The following DDR2 variants were observed in gnomAD, a reference collection of about 807,000 sequenced individuals.
The protein encoded by DDR2 is discoidin domain receptor tyrosine kinase 2.
A neutral mutation model predicts 94.9 loss-of-function variants in DDR2; 27 were observed. That is an observed-to-expected ratio of 0.28 (90% CI 0.21 to 0.39). The LOEUF is 0.39. Among genes scored for constraint, DDR2 ranks in the 10% least tolerant of loss-of-function variants. The pLI is 1.00. For synonymous variants in DDR2, 382 were observed against 377.2 expected (o/e 1.01, Z -0.15); for missense variants, 783 against 1,076.0 (o/e 0.73, Z 3.81).
Position 162,755,673 on chromosome 1 carries a change from T to A in DDR2, c.575T>A (p.Val192Glu), listed in dbSNP as rs1558067651. 6.2e-7 allele frequency: 1 copy of A among 1,614,134 alleles called. No individual in the cohort carries two copies. Among genetic ancestry groups the A allele is most frequent in the African/African-American group, 1.3e-5 (1 of 75,054 alleles). Reference sequence around the variant, plus strand: ...TGTGTTTCCTTTGCAGATGGCTTGGTGTCTTACAATGCTCCAGCTGGGCAG... The same window carrying A: ...TGTGTTTCCTTTGCAGATGGCTTGGAGTCTTACAATGCTCCAGCTGGGCAG... ...LYGCVWLDGL[V>E]SYNAPAGQQF... Residue 192 changes from valine to glutamate, a missense_variant, in exon 7 of 18, where the codon GTG becomes GAG. By Grantham distance (121) the Val-to-Glu change is moderately radical (BLOSUM62 -2). Coordinates refer to ENST00000367921, the MANE Select transcript of DDR2 (RefSeq NM_006182.4).
intron 2 of DDR2, among the ~76,000 whole-genome samples, chr1:162,658,917 G>T (rs1048319275): frequency 2.0e-5 from 3 of 152,028 alleles, no homozygotes; most frequent in Non-Finnish European, 4.4e-5. Context: ...AGGTAAACAG[G>T]GCTCCAGAAA....
chr1:162,646,647 A>G (rs1273567693), intron 1 of DDR2, among the ~76,000 whole-genome samples: 1 of 152,176 alleles, frequency 6.6e-6, no homozygotes, highest in Non-Finnish European at 1.5e-5. Context: ...AACCTGTTTA[A>G]CTGCAACTAG....
Position 162,755,556 on chromosome 1 carries a change from G to C in DDR2, c.566-108G>C, listed in dbSNP as rs1663420519. On this transcript the variant is annotated intron_variant, in intron 6 of 17. Coordinates refer to ENST00000367921, the MANE Select transcript of DDR2 (RefSeq NM_006182.4). ...AAAGTCTTCCCTCGGTGTCCAGATGGAGTCCTGCTGGACACGCTGTGCAAG... is the reference window on the plus strand; with the variant it reads ...AAAGTCTTCCCTCGGTGTCCAGATGCAGTCCTGCTGGACACGCTGTGCAAG... The C allele has an allele frequency of 2.0e-5, 23 of 1,156,236 alleles. No individual in the cohort carries two copies. In the South Asian group the frequency reaches 2.3e-4, roughly 12 times the overall value. 71.6% of individuals were successfully genotyped at this position (1,156,236 alleles called of 1,614,324 possible).
chr1:162,637,127 A>T (rs745437268), intron 1 of DDR2, among the ~76,000 whole-genome samples: 22 of 152,172 alleles, frequency 1.4e-4, no homozygotes, highest in Non-Finnish European at 3.1e-4. Context: ...TCTCTGCTGG[A>T]CACTGTTCTA....
In DDR2 at chr1:162,776,154, T is replaced by G. The variant is rs757179876; in HGVS notation, c.2067T>G (p.Phe689Leu). 6.2e-7 allele frequency: 1 copy of G among 1,613,930 alleles called. No homozygotes were observed. ...TCCTCAGTTACACCAATCTGAAGTT[T>G]ATGGCTACCCAAATTGCCTCTGGCA... is the stretch of plus-strand genomic sequence containing the variant. Reference protein sequence around the residue: ...VRTVSYTNLKFMATQIASGMK... With the variant: ...VRTVSYTNLKLMATQIASGMK... Residue 689 changes from phenylalanine to leucine, a missense_variant, in exon 16 of 18, where the codon TTT becomes TTG. Coordinates refer to ENST00000367921, the MANE Select transcript of DDR2 (RefSeq NM_006182.4).
chr1:162,775,886 A>C, intron 15 of DDR2, 43 bp downstream of exon 15: 1 of 1,610,544 alleles, frequency 6.2e-7, no homozygotes, highest in Non-Finnish European at 8.5e-7. Context: ...TGGTCATGAG[A>C]GTAACCTGGG....
chr1:162,735,531 A>T (rs1662257267), intron 3 of DDR2, among the ~76,000 whole-genome samples: 1 of 152,214 alleles, frequency 6.6e-6, no homozygotes, highest in South Asian at 2.1e-4. Context: ...GGTGATGCTG[A>T]TGCTGCTGGT....
Position 162,767,292 on chromosome 1 carries a change from T to C in DDR2, c.1226T>C (p.Ile409Thr). The change falls in exon 11 of 18, where the codon ATC becomes ACC. Residue 409 changes from isoleucine (I) to threonine (T), a missense_variant. This residue lies in a region of DDR2 where 519 missense variants were observed against 647.9 expected (regional missense o/e 0.80). Transcript: ENST00000367921. ...RILIGCLVAI[I>T]FILLAIIVII... Reference sequence around the variant, plus strand: ...CTGATTGGCTGCTTGGTGGCCATCATCTTTATCCTCCTGGCCATCATTGTC... The same window carrying C: ...CTGATTGGCTGCTTGGTGGCCATCACCTTTATCCTCCTGGCCATCATTGTC... 6.2e-7 allele frequency: 1 copy of C among 1,614,128 alleles called. No individual in the cohort carries two copies. Among genetic ancestry groups the C allele is most frequent in the Non-Finnish European group, 8.5e-7 (1 of 1,180,002 alleles).
intron 2 of DDR2, among the ~76,000 whole-genome samples, chr1:162,667,635 A>C (rs1321701811): frequency 6.6e-6 from 1 of 152,222 alleles, no homozygotes; most frequent in Non-Finnish European, 1.5e-5. Context: ...AGGGACCAGC[A>C]TAAGAAGAGC....
chr1:162,717,815 G>C (rs1661239408), intron 2 of DDR2, among the ~76,000 whole-genome samples: 1 of 152,154 alleles, frequency 6.6e-6, no homozygotes. Context: ...CAATGTTGAT[G>C]TTAACCTTGA....
intron 3 of DDR2, among the ~76,000 whole-genome samples, chr1:162,746,163 G>T (rs113811299): frequency 0.093 from 14,170 of 152,224 alleles, 962 homozygotes; most frequent in Non-Finnish European, 0.13. Context: ...GCTGAAGCAG[G>T]GTGGGGCATC....
At chr1:162,739,813 T>A (rs1444771231) in intron 3 of DDR2, among the ~76,000 whole-genome samples, 2 of 152,196 alleles carry the variant, frequency 1.3e-5, no homozygotes, top group Non-Finnish European at 2.9e-5. Context: ...ATTATGATAG[T>A]AAAATATGTG....
chr1:162,717,315 C>A (rs1003711415), intron 2 of DDR2, among the ~76,000 whole-genome samples: 2 of 152,114 alleles, frequency 1.3e-5, no homozygotes, highest in South Asian at 4.1e-4. Flanking sequence ...GGATTACAGG[C>A]GTGAGCCACT....
chr1:162,780,006 G>A lies in DDR2; in HGVS notation c.2434-106G>A, dbSNP rs1431135348. The A allele has an allele frequency of 7.8e-6, 12 of 1,536,100 alleles. No individual in the cohort carries two copies. In the East Asian group the frequency reaches 1.8e-4, roughly 23 times the overall value. On this transcript the variant is annotated intron_variant, in intron 17 of 17. Coordinates refer to ENST00000367921, the MANE Select transcript of DDR2 (RefSeq NM_006182.4). ...TCAGTTATCAAGTTCAAGAAAGTGG[G>A]CAGGGGGCAAATCAAACCATGATGC...
intron 1 of DDR2, among the ~76,000 whole-genome samples, chr1:162,645,827 T>C (rs1396506045): frequency 6.6e-6 from 1 of 152,170 alleles, no homozygotes; most frequent in African/African-American, 2.4e-5. Flanking sequence ...AGGGTTAGCA[T>C]TGTGTTGATA....
intron 2 of DDR2, among the ~76,000 whole-genome samples, chr1:162,718,237 A>G (rs1315649704): frequency 6.6e-6 from 1 of 152,136 alleles, no homozygotes; most frequent in Non-Finnish European, 1.5e-5. Flanking sequence ...AGATACTCCA[A>G]GTCCATCTTG....
intron 1 of DDR2, among the ~76,000 whole-genome samples, chr1:162,635,156 C>G (rs1039365302): frequency 1.3e-5 from 2 of 152,200 alleles, no homozygotes; most frequent in Non-Finnish European, 2.9e-5. Context: ...CTTATTCTCC[C>G]CTAGCCACTC....
intron 2 of DDR2, among the ~76,000 whole-genome samples, chr1:162,656,282 C>G (rs1657958171): frequency 6.6e-6 from 1 of 152,186 alleles, no homozygotes; most frequent in African/African-American, 2.4e-5. Context: ...TTACTGTATT[C>G]TGCACAGCTT....
At chr1:162,742,930 A>C (rs894722260) in intron 3 of DDR2, among the ~76,000 whole-genome samples, 1 of 152,130 alleles carries the variant, frequency 6.6e-6, no homozygotes, top group Non-Finnish European at 1.5e-5. Context: ...CAAGGATAGC[A>C]CGGGAAAGAC....
Sources: gnomAD v4.1 joint callset for allele counts (sites outside exome capture counted in the v4.1 genomes callset) on GRCh38, gnomAD v4.1.1 for gene constraint, gnomAD v4.1.1 regional missense constraint, MANE v1.5 for transcripts, NCBI Gene and HGNC (gene_info 2026-07-23, HGNC 2026-07-21) for gene names.